The following LARGE1 variants were observed in gnomAD, a reference collection of about 807,000 sequenced individuals.
LARGE1 encodes LARGE xylosyl- and glucuronyltransferase 1.
A neutral mutation model predicts 87.6 loss-of-function variants in LARGE1; 43 were observed. The ratio of observed to expected loss-of-function variants is 0.49; its 90% CI spans 0.38 to 0.63. The LOEUF (loss-of-function observed/expected upper bound fraction) is 0.63, where lower values mean the gene tolerates loss of function less well. LARGE1 is among the 30% of genes least tolerant of loss of function. The pLI is 0.00. For synonymous variants in LARGE1, 434 were observed against 394.6 expected, an observed-to-expected ratio of 1.10 and a Z score of -1.18; for missense variants, 802 against 1,000.2, an observed-to-expected ratio of 0.80 and a Z score of 2.67.
At chr22:33,860,768 C>T (rs1233487355) in intron 1 of LARGE1, among the ~76,000 whole-genome samples, 2 of 152,204 alleles carry the variant, frequency 1.3e-5, no homozygotes, top group Non-Finnish European at 2.9e-5. Context: ...ACTACCAGGC[C>T]ACTACCCTGA....
chr22:33,629,814 G>A (rs917442253), intron 3 of LARGE1, among the ~76,000 whole-genome samples: 2 of 152,066 alleles, frequency 1.3e-5, no homozygotes, highest in African/African-American at 4.8e-5. Context: ...GCTCATGCCT[G>A]TGGCTCACTT....
At chr22:33,318,473 G>T (rs1936396541) in intron 10 of LARGE1, among the ~76,000 whole-genome samples, 1 of 152,042 alleles carries the variant, frequency 6.6e-6, no homozygotes, top group South Asian at 2.1e-4. Context: ...GTATTCCATG[G>T]TGTATATGTG....
the LARGE1 span, among the ~76,000 whole-genome samples, chr22:33,142,927 A>G: frequency 6.6e-6 from 1 of 152,322 alleles, no homozygotes; most frequent in South Asian, 2.1e-4. Context: ...AGCAAGGGAG[A>G]GAGAGAGACA....
intron 2 of LARGE1, among the ~76,000 whole-genome samples, chr22:33,652,636 A>G (rs1215915493): frequency 6.6e-6 from 1 of 152,124 alleles, no homozygotes; most frequent in Non-Finnish European, 1.5e-5. Flanking sequence ...CTCTTTTTCC[A>G]TACTTCAAGT....
chr22:33,862,006 G>A (rs573802258), intron 1 of LARGE1, among the ~76,000 whole-genome samples: 8 of 151,720 alleles, frequency 5.3e-5, no homozygotes, highest in Admixed American at 6.6e-5. Flanking sequence ...TTACAGGCAC[G>A]CGCCACCATG....
chr22:33,262,162 A>G (rs1309995284), intron 11 of LARGE1, among the ~76,000 whole-genome samples: 1 of 152,206 alleles, frequency 6.6e-6, no homozygotes, highest in African/African-American at 2.4e-5. Flanking sequence ...AAGGGCAAAG[A>G]TGTAAACTGG....
chr22:33,305,604 G>A (rs1934770750), intron 11 of LARGE1: 1 of 985,138 alleles, frequency 1.0e-6, no homozygotes, highest in South Asian at 4.7e-5. Flanking sequence ...CCAGGAAATC[G>A]ATTCCATGCA....
At chr22:33,634,992 C>T (rs2080227829) in intron 3 of LARGE1, among the ~76,000 whole-genome samples, 2 of 152,026 alleles carry the variant, frequency 1.3e-5, no homozygotes, top group South Asian at 4.2e-4. Context: ...GTGGCGGGCA[C>T]CTGTAATCCC....
At chr22:33,360,315 A>G (rs1455512646) in intron 9 of LARGE1, among the ~76,000 whole-genome samples, 1 of 149,112 alleles carries the variant, frequency 6.7e-6, no homozygotes, top group Non-Finnish European at 1.5e-5. Context: ...TGTGTCTCCA[A>G]AAACAAAAAC....
At chr22:33,272,229 A>G (rs1046103300), downstream of LARGE1, among the ~76,000 whole-genome samples, 6 of 152,250 alleles carry the variant, frequency 3.9e-5, no homozygotes, top group Non-Finnish European at 8.8e-5. Flanking sequence ...CAAAACCTGT[A>G]TCGGTATGTG....
the LARGE1 span, among the ~76,000 whole-genome samples, chr22:33,130,891 G>A: frequency 5.4e-3 from 826 of 152,020 alleles, 11 homozygotes; most frequent in African/African-American, 0.018. Context: ...AAATTAGCCG[G>A]GCGTGGTGGC....
intron 7 of LARGE1, among the ~76,000 whole-genome samples, chr22:33,420,706 C>T (rs1391515721): frequency 6.6e-6 from 1 of 152,208 alleles, no homozygotes; most frequent in African/African-American, 2.4e-5. Context: ...CCAGGGCCTA[C>T]AGAGAAGCTT....
At chr22:33,175,411 A>G (rs376698643) in intron 11 of LARGE1, among the ~76,000 whole-genome samples, 3 of 152,126 alleles carry the variant, frequency 2.0e-5, no homozygotes, top group Non-Finnish European at 4.4e-5. Flanking sequence ...AAACCCCATC[A>G]TCTCAGCCCA....
chr22:33,765,641 G>A (rs1484140724), intron 1 of LARGE1, among the ~76,000 whole-genome samples: 1 of 139,492 alleles, frequency 7.2e-6, no homozygotes, highest in East Asian at 2.3e-4. Flanking sequence ...GGAGGCAGAG[G>A]TTGCAGTGAG....
intron 12 of LARGE1, among the ~76,000 whole-genome samples, chr22:33,302,406 G>A (rs11914208): frequency 8.3e-4 from 127 of 152,246 alleles, no homozygotes; most frequent in African/African-American, 2.7e-3. Flanking sequence ...ACAGAGTCTG[G>A]TAGGGACTCC....
At chr22:33,297,181 C>T (rs1933401877) in intron 12 of LARGE1, among the ~76,000 whole-genome samples, 1 of 152,178 alleles carries the variant, frequency 6.6e-6, no homozygotes, top group Non-Finnish European at 1.5e-5. Flanking sequence ...ATTTATAGAA[C>T]AGCCATGATG....
chr22:33,187,685 G>A (rs570739927), intron 11 of LARGE1, among the ~76,000 whole-genome samples: 9 of 152,066 alleles, frequency 5.9e-5, no homozygotes, highest in African/African-American at 9.6e-5. Context: ...TTGGGAGGCC[G>A]AGGCAGGCAG....
chr22:33,102,283 C>T, the LARGE1 span, among the ~76,000 whole-genome samples: 1 of 152,166 alleles, frequency 6.6e-6, no homozygotes, highest in African/African-American at 2.4e-5. Flanking sequence ...ATTCTCCTGC[C>T]TCAGCCTCCC....
At chr22:33,626,388 T>C in intron 3 of LARGE1, 62 bp from the exon 4 acceptor site, 1 of 1,338,360 alleles carries the variant, frequency 7.5e-7, no homozygotes, top group Non-Finnish European at 1.1e-6. Context: ...TCCTGGTGCT[T>C]CAGATCACAC....
Sources: allele counts gnomAD v4.1 joint callset (sites outside exome capture counted in the v4.1 genomes callset), GRCh38; gene constraint gnomAD v4.1.1; transcripts MANE v1.5; gene names NCBI Gene and HGNC (gene_info 2026-07-23, HGNC 2026-07-21).